BIN3: variants seen among roughly 807,000 people sequenced by gnomAD.
BIN3 encodes bridging integrator 3.
In BIN3, 41 loss-of-function variants were observed where a neutral mutation model predicts 38.2. That is an observed-to-expected ratio of 1.07 (90% CI 0.84 to 1.39). The LOEUF (loss-of-function observed/expected upper bound fraction) is 1.39, where lower values mean the gene tolerates loss of function less well. BIN3 is among the 40% of genes most tolerant of loss of function. The pLI, the probability that BIN3 is intolerant of heterozygous loss-of-function variation, is 0.00. For synonymous variants in BIN3, 145 were observed against 122.6 expected (o/e 1.18, Z -1.21); for missense variants, 361 against 324.3 (o/e 1.11, Z -0.87).
chr8:22,652,431 T>A (rs1430400709), intron 1 of BIN3, among the ~76,000 whole-genome samples: 1 of 152,256 alleles, frequency 6.6e-6, no homozygotes, highest in Non-Finnish European at 1.5e-5. Flanking sequence ...TAGAGAAGAT[T>A]CTTCCAACCT....
chr8:22,636,526 C>T lies in BIN3; in HGVS notation c.159G>A (p.Leu53=), dbSNP rs926890687. ...TGGTGCGGGTGGAAAGTCACCTACC[C>T]AGGTCTGCGTCGGTGCTCTTCTTCA... The part of the protein sequence containing the change: ...KDMKKSTDAD[L]AMSKSAVKIS... Residue 53 remains leucine, a splice_region_variant and synonymous_variant, in exon 4 of 9, where the codon CTG becomes CTA. Transcript: ENST00000276416. 18 of 1,552,256 alleles carry T rather than the reference C, an allele frequency of 1.2e-5. No individual in the cohort carries two copies. The highest frequency in any genetic ancestry group is 5.9e-5 in the Admixed American group (3 of 51,064).
chr8:22,630,379 C>T, intron 5 of BIN3, 63 bp downstream of exon 5: 3 of 1,598,656 alleles, frequency 1.9e-6, no homozygotes, highest in South Asian at 2.3e-5. Flanking sequence ...CCCGCACAGT[C>T]CACCCAGAGG....
At chr8:22,668,367 A>T (rs1273760252) in intron 1 of BIN3, among the ~76,000 whole-genome samples, 1 of 152,198 alleles carries the variant, frequency 6.6e-6, no homozygotes, top group Non-Finnish European at 1.5e-5. Context: ...TTGTGACTCT[A>T]TTACTCTAAG....
At chr8:22,634,418 C>A (rs780915056) in intron 4 of BIN3, 1 of 448,784 alleles carries the variant, frequency 2.2e-6, no homozygotes, top group Non-Finnish European at 4.4e-6. Flanking sequence ...CTCACCCGGG[C>A]ATGGTGGTGG....
chr8:22,644,741 A>G lies in BIN3; in HGVS notation c.57+14T>C. The G allele has an allele frequency of 6.2e-7, 1 of 1,609,654 alleles. No homozygotes were observed. ...CAGAACTGAATCTCACAGCAAAACA[A>G]TCGAGTTACTCACTGTTTTGGGCAC... On this transcript the variant is annotated intron_variant, in intron 2 of 8. Transcript: ENST00000276416.
chr8:22,668,925 T>C, intron 1 of BIN3, 119 bp downstream of exon 1: 1 of 1,375,238 alleles, frequency 7.3e-7, no homozygotes, highest in Admixed American at 2.1e-5. Flanking sequence ...TGTCGGGCCT[T>C]GCTCTGGGGC....
rs114609289 is a variant in BIN3, at chr8:22,664,637, T to C, written c.8+4407A>G. Reference sequence around the variant, plus strand: ...CTCCGTGATCCAATCAGCTTGGGAATGGTCTGCTACTCTTCTAATATTCCT... The same window carrying C: ...CTCCGTGATCCAATCAGCTTGGGAACGGTCTGCTACTCTTCTAATATTCCT... On this transcript the variant is annotated intron_variant, in intron 1 of 8. Coordinates refer to ENST00000276416, the MANE Select transcript of BIN3 (RefSeq NM_018688.6). Among the ~76,000 whole-genome samples the C allele has an allele frequency of 6.9e-3, 1,048 of 152,362 alleles. 13 individuals carry two copies. Among genetic ancestry groups the C allele is most frequent in the African/African-American group, 0.024 (997 of 41,588 alleles).
intron 1 of BIN3, among the ~76,000 whole-genome samples, chr8:22,649,855 ACACC>A (rs547064524): frequency 0.047 from 6,309 of 135,636 alleles, 295 homozygotes; most frequent in African/African-American, 0.14. Context: ...ACACACACAC[ACACC>A]CCCAAAGGAA....
At chr8:22,649,812 AAC>A (rs571224082) in intron 1 of BIN3, among the ~76,000 whole-genome samples, 9,213 of 89,144 alleles carry the variant, frequency 0.1, 343 homozygotes, top group Admixed American at 0.15. Context: ...CGCAAAGGAC[AAC>A]ACACACACAC....
chr8:22,653,487 T>C (rs1487798929), intron 1 of BIN3, among the ~76,000 whole-genome samples: 1 of 152,236 alleles, frequency 6.6e-6, no homozygotes, highest in Admixed American at 6.5e-5. Context: ...AAATTTAAAA[T>C]TGACCACAAA....
At chr8:22,654,211 C>G (rs977985986) in intron 1 of BIN3, among the ~76,000 whole-genome samples, 4 of 152,142 alleles carry the variant, frequency 2.6e-5, no homozygotes, top group African/African-American at 7.2e-5. Flanking sequence ...GTTGATGTCT[C>G]TTCTATTCTC....
intron 2 of BIN3, among the ~76,000 whole-genome samples, chr8:22,643,382 G>A (rs555545037): frequency 1.0e-3 from 156 of 152,302 alleles, no homozygotes; most frequent in African/African-American, 3.5e-3. Flanking sequence ...CTAGGGTGGA[G>A]TGCAGTGGTG....
At chr8:22,662,024 A>C (rs1053756333) in intron 1 of BIN3, among the ~76,000 whole-genome samples, 4 of 152,142 alleles carry the variant, frequency 2.6e-5, no homozygotes, top group Non-Finnish European at 5.9e-5. Context: ...TGAACTCCTG[A>C]CCTCAACTGA....
intron 1 of BIN3, among the ~76,000 whole-genome samples, chr8:22,661,236 TA>T: frequency 6.6e-6 from 1 of 152,256 alleles, no homozygotes. Context: ...ACCACTATTC[TA>T]AATTTAGTAC....
intron 1 of BIN3, among the ~76,000 whole-genome samples, chr8:22,649,813 ACAC>A (rs1802827297): frequency 1.9e-5 from 1 of 51,486 alleles, no homozygotes; most frequent in Admixed American, 3.0e-4. Flanking sequence ...GCAAAGGACA[ACAC>A]ACACACACAC....
At chr8:22,658,555 G>A (rs572049307) in intron 1 of BIN3, among the ~76,000 whole-genome samples, 7 of 152,286 alleles carry the variant, frequency 4.6e-5, no homozygotes, top group Non-Finnish European at 1.0e-4. Context: ...CACTCCCTCT[G>A]CAGAGGCAGA....
intron 2 of BIN3, among the ~76,000 whole-genome samples, chr8:22,639,634 G>A (rs1193287230): frequency 1.3e-5 from 2 of 152,060 alleles, no homozygotes; most frequent in African/African-American, 2.4e-5. Context: ...AAGGTGCCTG[G>A]CCCATGGCAG....
In BIN3 at chr8:22,621,297, A is replaced by G; in HGVS notation, c.*125T>C. On this transcript the variant is annotated 3_prime_UTR_variant, in exon 9 of 9. Coordinates refer to ENST00000276416, the MANE Select transcript of BIN3 (RefSeq NM_018688.6). ...GGCTCAGGAAGAGTCATTCATTGCA[A>G]AGGGCCGGCAAGTGAACCAGGGCCA... 1 of 1,305,144 alleles carries G rather than the reference A, an allele frequency of 7.7e-7. No individual in the cohort carries two copies. The highest frequency in any genetic ancestry group is 1.0e-6 in the Non-Finnish European group (1 of 971,494). The allele number at this position is 1,305,144 out of a possible 1,614,324, so 80.8% of individuals were successfully genotyped here. A position where few individuals can be genotyped will look rare whatever the true frequency, so the allele number is the denominator to read the frequency against.
chr8:22,636,997 A>G, intron 2 of BIN3, 35 bp from the exon 3 acceptor site: 1 of 1,603,760 alleles, frequency 6.2e-7, no homozygotes, highest in East Asian at 2.2e-5. Flanking sequence ...TATCGGAGAA[A>G]TGACAACACG....
Sources: allele counts gnomAD v4.1 joint callset (sites outside exome capture counted in the v4.1 genomes callset), GRCh38; gene constraint gnomAD v4.1.1; transcripts MANE v1.5; gene names NCBI Gene and HGNC (gene_info 2026-07-23, HGNC 2026-07-21).